The following KCND3 variants were observed in gnomAD, a reference collection of about 807,000 sequenced individuals.
KCND3 encodes the protein potassium voltage-gated channel subfamily D member 3, also known as A-type voltage-gated potassium channel KCND3.
KCND3 carries 9 observed loss-of-function variants against 51.1 expected under a neutral mutation model. That is an observed-to-expected ratio of 0.18 (90% CI 0.11 to 0.31). The LOEUF (loss-of-function observed/expected upper bound fraction) is 0.31. KCND3 is among the 10% of genes least tolerant of loss of function. The pLI is 1.00. For synonymous variants in KCND3, 349 were observed against 368.0 expected, an observed-to-expected ratio of 0.95 and a Z score of 0.59; for missense variants, 526 against 903.8, an observed-to-expected ratio of 0.58 and a Z score of 5.36.
At chr1:111,967,805 C>G (rs1337565886) in intron 2 of KCND3, among the ~76,000 whole-genome samples, 1 of 152,182 alleles carries the variant, frequency 6.6e-6, no homozygotes, top group East Asian at 1.9e-4. Flanking sequence ...ATCCAACCCC[C>G]TCACCATTCA....
intron 2 of KCND3, among the ~76,000 whole-genome samples, chr1:111,832,051 G>A (rs1382507622): frequency 1.3e-5 from 2 of 152,122 alleles, no homozygotes; most frequent in African/African-American, 4.8e-5. Flanking sequence ...AACTCTAGCT[G>A]GAACAGCCTC....
At chr1:111,829,304 G>T (rs1207815775) in intron 2 of KCND3, among the ~76,000 whole-genome samples, 1 of 151,976 alleles carries the variant, frequency 6.6e-6, no homozygotes, top group Non-Finnish European at 1.5e-5. Context: ...GATGAGAGTG[G>T]TAGGGACAAT....
intron 2 of KCND3, among the ~76,000 whole-genome samples, chr1:111,852,571 C>T (rs1667870314): frequency 6.6e-6 from 1 of 152,096 alleles, no homozygotes; most frequent in Admixed American, 6.6e-5. Context: ...AAATCGAATC[C>T]ATAATCCAGA....
intron 2 of KCND3, among the ~76,000 whole-genome samples, chr1:111,865,373 G>A (rs1012682720): frequency 2.6e-5 from 4 of 152,204 alleles, no homozygotes; most frequent in African/African-American, 9.7e-5. Context: ...GAAAGGCAGG[G>A]ATAAGGGGAG....
At chr1:111,922,082 C>A (rs543384478) in intron 2 of KCND3, among the ~76,000 whole-genome samples, 1 of 152,334 alleles carries the variant, frequency 6.6e-6, no homozygotes, top group Admixed American at 6.5e-5. Context: ...TATTTGTTGC[C>A]TTGAAGCCTA....
At chr1:111,939,568 T>C (rs1296943459) in intron 2 of KCND3, among the ~76,000 whole-genome samples, 8 of 152,226 alleles carry the variant, frequency 5.3e-5, no homozygotes, top group Non-Finnish European at 8.8e-5. Flanking sequence ...TCCTTTTTTA[T>C]GGCTGCATAG....
In KCND3 at chr1:111,895,806, G is replaced by A. The variant is rs72981212; in HGVS notation, c.1106+85815C>T. Among the ~76,000 whole-genome samples the A allele has an allele frequency of 7.0e-3, 1,064 of 152,356 alleles. 6 individuals carry two copies. The highest frequency in any genetic ancestry group is 0.024 in the African/African-American group (995 of 41,588). On this transcript the variant is annotated intron_variant, in intron 2 of 7. Coordinates refer to ENST00000302127, the MANE Select transcript of KCND3 (RefSeq NM_001378969.1). ...AGCGGAAACGCTGCCAGCTCTTCCCGGGGCCAGCCGGCTGGTGTGTCCTAG... is the reference window on the plus strand; with the variant it reads ...AGCGGAAACGCTGCCAGCTCTTCCCAGGGCCAGCCGGCTGGTGTGTCCTAG...
chr1:111,943,186 A>G (rs1672611035), intron 2 of KCND3, among the ~76,000 whole-genome samples: 1 of 152,154 alleles, frequency 6.6e-6, no homozygotes, highest in African/African-American at 2.4e-5. Flanking sequence ...AGGAAGTAAT[A>G]AAAGCTACAC....
At chr1:111,909,016 G>C (rs1274516892) in intron 2 of KCND3, among the ~76,000 whole-genome samples, 3 of 148,660 alleles carry the variant, frequency 2.0e-5, no homozygotes, top group African/African-American at 7.5e-5. Context: ...GTAATAAACA[G>C]TTTCTATAGG....
chr1:111,913,633 T>C (rs1447013619), intron 2 of KCND3, among the ~76,000 whole-genome samples: 2 of 152,216 alleles, frequency 1.3e-5, no homozygotes, highest in African/African-American at 4.8e-5. Context: ...AAAATAGGGC[T>C]GTGTGTATTG....
intron 2 of KCND3, among the ~76,000 whole-genome samples, chr1:111,970,808 T>C (rs755238650): frequency 2.4e-4 from 37 of 152,218 alleles, no homozygotes; most frequent in Admixed American, 5.9e-4. Flanking sequence ...TCCCCACCTC[T>C]TTCTCTCTTT....
intron 2 of KCND3, among the ~76,000 whole-genome samples, chr1:111,939,184 A>C (rs1472266404): frequency 2.0e-5 from 3 of 152,210 alleles, no homozygotes; most frequent in East Asian, 1.9e-4. Context: ...CGACTTCCTC[A>C]AGGCATCCTC....
chr1:111,980,815 C>T (rs1175499174), intron 2 of KCND3, among the ~76,000 whole-genome samples: 1 of 152,134 alleles, frequency 6.6e-6, no homozygotes, highest in Non-Finnish European at 1.5e-5. Flanking sequence ...TTTCTGTGAC[C>T]TCAGCTGGAG....
intron 2 of KCND3, among the ~76,000 whole-genome samples, chr1:111,962,680 T>C (rs1183653127): frequency 6.6e-6 from 1 of 152,210 alleles, no homozygotes; most frequent in Non-Finnish European, 1.5e-5. Context: ...CACTATGAAA[T>C]TCAGTCCACA....
chr1:111,986,423 T>C (rs1440560337), intron 1 of KCND3, among the ~76,000 whole-genome samples: 2 of 152,154 alleles, frequency 1.3e-5, no homozygotes, highest in African/African-American at 2.4e-5. Context: ...CTGATCTAGG[T>C]GTTGCCCAAT....
intron 2 of KCND3, among the ~76,000 whole-genome samples, chr1:111,888,681 C>CAAA (rs34732548): frequency 2.9e-5 from 3 of 103,606 alleles, no homozygotes; most frequent in Non-Finnish European, 4.0e-5. Context: ...CACTCCATCT[C>CAAA]AAAAAAAAAA....
At chr1:111,836,191 A>G (rs936247653) in intron 2 of KCND3, among the ~76,000 whole-genome samples, 26 of 152,354 alleles carry the variant, frequency 1.7e-4, no homozygotes, top group African/African-American at 5.5e-4. Flanking sequence ...ACAAGTCAAC[A>G]TGAATCCTGA....
At position 111,776,156 on chromosome 1, in the gene KCND3, C is replaced by T. The variant is rs774713377; in HGVS notation, c.1889G>A (p.Arg630Gln). The T allele has an allele frequency of 3.7e-5, 60 of 1,614,008 alleles. No homozygotes were observed. The highest frequency in any genetic ancestry group is 1.0e-4 in the Admixed American group (6 of 60,002). ...PPALTPEGES[R>Q]PPPASPGPNT... Reference sequence around the variant, plus strand: ...GGGGCCTGGGCTGGCAGGGGGTGGCCGACTTTCCCCCTCTGGGGTTAGCGC... The same window carrying T: ...GGGGCCTGGGCTGGCAGGGGGTGGCTGACTTTCCCCCTCTGGGGTTAGCGC... The change falls in exon 8 of 8, where the codon CGG becomes CAG. Residue 630 changes from arginine (R) to glutamine (Q), a missense_variant. Transcript: ENST00000302127.
intron 2 of KCND3, among the ~76,000 whole-genome samples, chr1:111,959,556 G>A (rs925290742): frequency 6.6e-5 from 10 of 152,090 alleles, no homozygotes; most frequent in Admixed American, 2.6e-4. Flanking sequence ...AACTGTAGAC[G>A]CTTTAACTTG....
Sources: allele counts gnomAD v4.1 joint callset (sites outside exome capture counted in the v4.1 genomes callset), GRCh38; gene constraint gnomAD v4.1.1; transcripts MANE v1.5; gene names NCBI Gene and HGNC (gene_info 2026-07-23, HGNC 2026-07-21).